Variants in RTN1 observed in about 807,000 individuals in gnomAD.
RTN1 encodes reticulon 1, also known as reticulon-1.
In RTN1, 25 loss-of-function variants were observed where a neutral mutation model predicts 65.5. The observed-to-expected ratio is 0.38, with a 90% CI of 0.28 to 0.53. The LOEUF is 0.53. RTN1 is among the 20% of genes least tolerant of loss of function. RTN1 has a pLI of 0.79. For synonymous variants in RTN1, 471 were observed against 447.6 expected (o/e 1.05, Z -0.66); for missense variants, 983 against 1,025.4 (o/e 0.96, Z 0.57).
chr14:59,623,566 G>C (rs1362550360), intron 3 of RTN1, among the ~76,000 whole-genome samples: 1 of 152,182 alleles, frequency 6.6e-6, no homozygotes, highest in East Asian at 1.9e-4. Context: ...ATAATTTTGA[G>C]ATACTCAAGA....
intron 2 of RTN1, among the ~76,000 whole-genome samples, chr14:59,734,832 A>T (rs990685578): frequency 6.6e-6 from 1 of 152,196 alleles, no homozygotes; most frequent in African/African-American, 2.4e-5. Context: ...TACCCAGGAA[A>T]ACTTCCCCAA....
chr14:59,836,631 T>C lies in RTN1; in HGVS notation c.241+33759A>G, dbSNP rs1210604314. 6.6e-6 allele frequency among the ~76,000 whole-genome samples: 1 copy of C among 152,156 alleles called. No individual in the cohort carries two copies. Among genetic ancestry groups the C allele is most frequent in the Admixed American group, 6.5e-5 (1 of 15,272 alleles). On this transcript the variant is annotated intron_variant, in intron 1 of 8. Transcript: ENST00000267484. This position sits in a 1 kb window ranked among gnomAD's most constrained non-coding sequence, Gnocchi z 4.9. ...GCAGCAGGAAAGCAAAAATGCATTT[T>C]TGAGGACCAGCAAGGAATCCAGAAT... is the stretch of plus-strand genomic sequence containing the variant.
At chr14:59,802,190 G>A (rs1445321514) in intron 1 of RTN1, among the ~76,000 whole-genome samples, 1 of 152,180 alleles carries the variant, frequency 6.6e-6, no homozygotes, top group African/African-American at 2.4e-5. Flanking sequence ...TCATAAAAAT[G>A]TAATTGAAAC....
At chr14:59,867,959 C>T (rs1887827058) in intron 1 of RTN1, among the ~76,000 whole-genome samples, 1 of 152,084 alleles carries the variant, frequency 6.6e-6, no homozygotes, top group South Asian at 2.1e-4. Flanking sequence ...CAGCTTCTAG[C>T]ACTGTGAGAA....
chr14:59,744,847 G>GCTCT (rs934209927), intron 2 of RTN1, among the ~76,000 whole-genome samples: 9 of 152,110 alleles, frequency 5.9e-5, no homozygotes, highest in African/African-American at 1.9e-4. Flanking sequence ...CAGCCAGTGT[G>GCTCT]CTCTCCTCAT....
At chr14:59,818,579 G>C (rs1206648529) in intron 1 of RTN1, among the ~76,000 whole-genome samples, 2 of 152,104 alleles carry the variant, frequency 1.3e-5, no homozygotes, top group African/African-American at 4.8e-5. Context: ...ATTCAATCTA[G>C]ATTGATTCCA....
At chr14:59,671,624 T>C (rs1241239947) in intron 3 of RTN1, among the ~76,000 whole-genome samples, 1 of 152,184 alleles carries the variant, frequency 6.6e-6, no homozygotes, top group African/African-American at 2.4e-5. Context: ...TAGAATCAAG[T>C]TTCAGACCCA....
chr14:59,829,624 C>T lies in RTN1; in HGVS notation c.241+40766G>A, dbSNP rs765645727. Among the ~76,000 whole-genome samples, 1 of 152,234 alleles carries T rather than the reference C, an allele frequency of 6.6e-6. No homozygotes were observed. Among genetic ancestry groups the T allele is most frequent in the African/African-American group, 2.4e-5 (1 of 41,450 alleles). ...CAGGGCACCAAACAACATTTCATTT[C>T]CTGCTCATGCTCCCTGTCCAGGCAG... On this transcript the variant is annotated intron_variant, in intron 1 of 8. Transcript: ENST00000267484. The surrounding 1 kb of genome is among the most constrained non-coding windows in gnomAD (Gnocchi z 4.3).
intron 3 of RTN1, among the ~76,000 whole-genome samples, chr14:59,699,619 T>C (rs759846699): frequency 6.6e-5 from 10 of 152,150 alleles, no homozygotes; most frequent in Non-Finnish European, 1.2e-4. Flanking sequence ...GAGATGACAA[T>C]GGACAAAAAG....
chr14:59,697,292 A>G (rs1884082806), intron 3 of RTN1, among the ~76,000 whole-genome samples: 1 of 152,128 alleles, frequency 6.6e-6, no homozygotes, highest in Non-Finnish European at 1.5e-5. Context: ...TATACTTAAT[A>G]TTTTATACCA....
At chr14:59,738,789 G>A (rs542319071) in intron 2 of RTN1, among the ~76,000 whole-genome samples, 45 of 152,228 alleles carry the variant, frequency 3.0e-4, no homozygotes, top group African/African-American at 1.0e-3. Flanking sequence ...AAGAAAATGT[G>A]GTACATACAC....
At chr14:59,793,065 G>A (rs924834673) in intron 1 of RTN1, among the ~76,000 whole-genome samples, 5 of 151,862 alleles carry the variant, frequency 3.3e-5, no homozygotes, top group Admixed American at 6.6e-5. Context: ...TAATATACTC[G>A]GGCCCCAAGG....
intron 3 of RTN1, among the ~76,000 whole-genome samples, chr14:59,643,797 C>G (rs1555353249): frequency 6.6e-6 from 1 of 152,008 alleles, no homozygotes. Context: ...GTTAAAATGT[C>G]AGAATCTAAA....
At chr14:59,739,505 C>T (rs1885072244) in intron 2 of RTN1, among the ~76,000 whole-genome samples, 1 of 149,710 alleles carries the variant, frequency 6.7e-6, no homozygotes, top group African/African-American at 2.5e-5. Flanking sequence ...CATGCCACTG[C>T]ACTCCAGCCT....
chr14:59,666,951 A>G (rs1883389302), intron 3 of RTN1, among the ~76,000 whole-genome samples: 1 of 143,064 alleles, frequency 7.0e-6, no homozygotes, highest in Non-Finnish European at 1.5e-5. Context: ...AGTAATTAAT[A>G]GCCGACCAAC....
intron 1 of RTN1, among the ~76,000 whole-genome samples, chr14:59,841,704 TA>T (rs71451082): frequency 1.8e-4 from 18 of 101,798 alleles, no homozygotes; most frequent in African/African-American, 2.2e-4. Context: ...GAGACTCCAT[TA>T]AAAAAAAAAA....
At chr14:59,716,766 G>A (rs1420141580) in intron 3 of RTN1, among the ~76,000 whole-genome samples, 1 of 150,812 alleles carries the variant, frequency 6.6e-6, no homozygotes, top group Non-Finnish European at 1.5e-5. Context: ...GACTATCCTG[G>A]CTAACACGGT....
At chr14:59,796,571 A>G (rs927690175) in intron 1 of RTN1, among the ~76,000 whole-genome samples, 1 of 152,124 alleles carries the variant, frequency 6.6e-6, no homozygotes, top group Non-Finnish European at 1.5e-5. Flanking sequence ...ACCCTTTTAC[A>G]TCAATACTTG....
intron 1 of RTN1, among the ~76,000 whole-genome samples, chr14:59,850,009 C>T (rs1183849838): frequency 4.6e-5 from 7 of 152,102 alleles, no homozygotes; most frequent in Non-Finnish European, 7.4e-5. Context: ...CTCCTTTCAC[C>T]GCCACCTCTT....
Sources: gnomAD v4.1 joint callset for allele counts (sites outside exome capture counted in the v4.1 genomes callset) on GRCh38, gnomAD v4.1.1 for gene constraint, Gnocchi (gnomAD v3.1) non-coding constraint, MANE v1.5 for transcripts, NCBI Gene and HGNC (gene_info 2026-07-23, HGNC 2026-07-21) for gene names.